Variants in SMYD2 observed in about 807,000 individuals in gnomAD.
SMYD2 encodes the protein SET and MYND domain containing 2.
SMYD2 carries 53 observed loss-of-function variants against 59.1 expected under a neutral mutation model. That is an observed-to-expected ratio of 0.90 (90% CI 0.72 to 1.13). The LOEUF (loss-of-function observed/expected upper bound fraction) is 1.13, where lower values mean the gene tolerates loss of function less well. Among genes scored for constraint, SMYD2 ranks in the 50% most tolerant of loss-of-function variants. SMYD2 has a pLI of 0.00. For synonymous variants in SMYD2, 208 were observed against 198.8 expected, an observed-to-expected ratio of 1.05 and a Z score of -0.39; for missense variants, 494 against 544.7, an observed-to-expected ratio of 0.91 and a Z score of 0.93.
chr1:214,305,994 C>T (rs191404043), intron 2 of SMYD2, among the ~76,000 whole-genome samples: 1 of 152,318 alleles, frequency 6.6e-6, no homozygotes, highest in Admixed American at 6.5e-5. Flanking sequence ...CTCTTTACTT[C>T]AGAACCTGTT....
chr1:214,324,808 A>G, intron 6 of SMYD2, 100 bp downstream of exon 6: 1 of 1,041,450 alleles, frequency 9.6e-7, no homozygotes, highest in Non-Finnish European at 1.4e-6. Context: ...CATGTGGCAG[A>G]CATGAAACTC....
At chr1:214,335,732 A>G (rs1657425153) in intron 11 of SMYD2, among the ~76,000 whole-genome samples, 1 of 152,172 alleles carries the variant, frequency 6.6e-6, no homozygotes, top group Admixed American at 6.5e-5. Flanking sequence ...CCAGTTTTAC[A>G]GTTCAGGAAA....
intron 1 of SMYD2, among the ~76,000 whole-genome samples, chr1:214,294,627 T>TA (rs879596022): frequency 6.6e-5 from 10 of 152,296 alleles, no homozygotes; most frequent in Admixed American, 3.3e-4. Context: ...TCCAAGATTG[T>TA]GCCACCGCAC....
Position 214,324,715 on chromosome 1 carries a change from TG to T in SMYD2, c.602+8del. 6.2e-7 allele frequency: 1 copy of T among 1,605,764 alleles called. No individual in the cohort carries two copies. Reference sequence around the variant, plus strand: ...GATCAGCGATATTTCCTGAGTAGGCTGTGTTTGACTTCATTTCTTTCCTTTT... The same window carrying T: ...GATCAGCGATATTTCCTGAGTAGGCTTGTTTGACTTCATTTCTTTCCTTTT... On this transcript the variant is annotated splice_region_variant and intron_variant, in intron 6 of 11. Coordinates refer to ENST00000366957, the MANE Select transcript of SMYD2 (RefSeq NM_020197.3).
At chr1:214,289,388 G>A (rs1259603460) in intron 1 of SMYD2, among the ~76,000 whole-genome samples, 2 of 152,026 alleles carry the variant, frequency 1.3e-5, no homozygotes, top group Admixed American at 6.5e-5. Flanking sequence ...TTCTGTCCTC[G>A]AAGGAAGCAA....
chr1:214,320,645 A>G (rs1008241031), intron 5 of SMYD2, among the ~76,000 whole-genome samples: 2 of 152,202 alleles, frequency 1.3e-5, no homozygotes, highest in Non-Finnish European at 2.9e-5. Context: ...AAAGTGAGTC[A>G]TTCATCACTT....
chr1:214,323,570 A>G (rs1228566474), intron 5 of SMYD2, among the ~76,000 whole-genome samples: 1 of 151,708 alleles, frequency 6.6e-6, no homozygotes, highest in East Asian at 2.0e-4. Context: ...TAGATGGAAC[A>G]GCTGGGATTA....
intron 2 of SMYD2, among the ~76,000 whole-genome samples, 180 bp from the exon 3 acceptor site, chr1:214,314,582 A>G (rs1327503255): frequency 6.6e-6 from 1 of 152,204 alleles, no homozygotes; most frequent in Non-Finnish European, 1.5e-5. Context: ...TGAAGGTCAT[A>G]CAATCCTGCC....
intron 11 of SMYD2, among the ~76,000 whole-genome samples, chr1:214,335,090 A>G (rs1374694951): frequency 6.6e-6 from 1 of 152,252 alleles, no homozygotes; most frequent in Non-Finnish European, 1.5e-5. Flanking sequence ...CAGTCAATAC[A>G]GTGTAATTTA....
chr1:214,297,297 T>C lies in SMYD2; in HGVS notation c.174-7890T>C, dbSNP rs568288841. 3.8e-4 allele frequency among the ~76,000 whole-genome samples: 7 copies of C among 18,610 alleles called. No homozygotes were observed. In the South Asian group the frequency reaches 6.4e-3, roughly 17 times the overall value. 12.2% of individuals were successfully genotyped at this position (18,610 alleles called of 152,430 possible). On this transcript the variant is annotated intron_variant, in intron 1 of 11. Coordinates refer to ENST00000366957, the MANE Select transcript of SMYD2 (RefSeq NM_020197.3). ...TCTACACTTCTTTTCGCTCCATTCC[T>C]TTGGGGGTTATTTCAGGTTTTTTTT...
At chr1:214,281,571 G>T in intron 1 of SMYD2, 144 bp downstream of exon 1, 1 of 680,198 alleles carries the variant, frequency 1.5e-6, no homozygotes. Context: ...AGGGGAGGAG[G>T]CCCCGCGCTG....
Position 214,318,544 on chromosome 1 carries a change from G to A in SMYD2, c.410-315G>A, listed in dbSNP as rs1232049780. On this transcript the variant is annotated intron_variant, in intron 4 of 11. Transcript: ENST00000366957. The surrounding 1 kb of genome is among the most constrained non-coding windows in gnomAD (Gnocchi z 5.4). ...TTCCCGGGCCAATTGGGGGGCCCTT[G>A]ACTAGGCTGAGGCTGGTTATGAGTC... 2.6e-5 allele frequency among the ~76,000 whole-genome samples: 4 copies of A among 152,136 alleles called. No homozygotes were observed. The highest frequency in any genetic ancestry group is 4.4e-5 in the Non-Finnish European group (3 of 68,028).
At chr1:214,307,900 A>G (rs1656940227) in intron 2 of SMYD2, among the ~76,000 whole-genome samples, 1 of 152,192 alleles carries the variant, frequency 6.6e-6, no homozygotes, top group Non-Finnish European at 1.5e-5. Context: ...AACAGTCTAG[A>G]TTTCCTGCCC....
intron 11 of SMYD2, among the ~76,000 whole-genome samples, chr1:214,334,797 G>A (rs879321263): frequency 6.6e-6 from 1 of 152,194 alleles, no homozygotes; most frequent in Admixed American, 6.5e-5. Flanking sequence ...AAAACCGAGA[G>A]GCTTTCCTGA....
At chr1:214,281,536 C>T (rs1045665786) in intron 1 of SMYD2, 109 bp downstream of exon 1, 58 of 1,071,084 alleles carry the variant, frequency 5.4e-5, no homozygotes, top group East Asian at 9.4e-5. Context: ...TAGCGCCGGC[C>T]CTTGGGGCGG....
intron 2 of SMYD2, among the ~76,000 whole-genome samples, chr1:214,310,026 T>C (rs919383985): frequency 6.6e-6 from 1 of 152,214 alleles, no homozygotes; most frequent in Non-Finnish European, 1.5e-5. Flanking sequence ...ACAGGTAGGC[T>C]GTGTTTGTTG....
rs1221232604 is a variant in SMYD2, at chr1:214,334,168, A to G, written c.1113-32A>G. 4.4e-6 allele frequency: 7 copies of G among 1,599,468 alleles called. No individual in the cohort carries two copies. The African/African-American group carries it at 6.7e-5, about 15-fold the overall frequency. On this transcript the variant is annotated intron_variant, in intron 10 of 11. Coordinates refer to ENST00000366957, the MANE Select transcript of SMYD2 (RefSeq NM_020197.3). ...GTGGGGCGGCTCAGTAGCCGCTGAC[A>G]TGGTGGCCTGTTGTCTCTTCTCTTG...
chr1:214,302,079 C>G (rs1262055533), intron 1 of SMYD2, among the ~76,000 whole-genome samples: 1 of 152,124 alleles, frequency 6.6e-6, no homozygotes, highest in Non-Finnish European at 1.5e-5. Flanking sequence ...CGGTATCTCA[C>G]GTCTGTAATC....
chr1:214,290,122 C>T (rs771754911), intron 1 of SMYD2, among the ~76,000 whole-genome samples: 1 of 152,154 alleles, frequency 6.6e-6, no homozygotes, highest in African/African-American at 2.4e-5. Context: ...ATTGCAAAGG[C>T]GTTCACACCA....
Sources: allele counts gnomAD v4.1 joint callset (sites outside exome capture counted in the v4.1 genomes callset), GRCh38; gene constraint gnomAD v4.1.1; non-coding constraint Gnocchi (gnomAD v3.1); transcripts MANE v1.5; gene names NCBI Gene and HGNC (gene_info 2026-07-23, HGNC 2026-07-21).